The following CCDC196 variants were observed in gnomAD, a reference collection of about 807,000 sequenced individuals.
CCDC196 encodes coiled-coil domain containing 196.
rs1294706558 is a variant in CCDC196, at chr14:66,490,815, G to C, written c.425G>C (p.Gly142Ala). Residue 142 changes from glycine to alanine, a missense_variant, in exon 5 of 10, where the codon GGA (glycine) becomes GCA (alanine). Transcript: ENST00000636229. ...AAAAACAAGGCAGACTTGCAGGATG[G>C]AAAGGCAAGTGGACTGCATGTACTT... is the stretch of plus-strand genomic sequence containing the variant. ...QTKNKADLQD[G>A]KAPKSPSSPR... is the part of the protein sequence containing the mutation. 1 of 399,928 alleles carries C rather than the reference G, an allele frequency of 2.5e-6. No individual in the cohort carries two copies. Among genetic ancestry groups the C allele is most frequent in the Non-Finnish European group, 4.4e-6 (1 of 226,158 alleles). 24.8% of individuals were successfully genotyped at this position (399,928 alleles called of 1,614,324 possible). A position where few individuals can be genotyped will look rare whatever the true frequency, so the allele number is the denominator to read the frequency against.
In CCDC196 at chr14:66,488,954, C is replaced by A. The variant is rs145339977; in HGVS notation, c.301-33C>A. The stretch of plus-strand genomic sequence containing the variant: ...ACTTCAATGGCTGGACAAATACATG[C>A]TTCTGTTTGTTTGGTTCTTCCCCCT... On this transcript the variant is annotated intron_variant, in intron 3 of 9. Coordinates refer to ENST00000636229, the MANE Select transcript of CCDC196 (RefSeq NM_001351576.1). 2.2e-5 allele frequency: 9 copies of A among 413,174 alleles called. No individual in the cohort carries two copies. The South Asian group carries it at 5.1e-4, about 23-fold the overall frequency. 25.6% of individuals were successfully genotyped at this position (413,174 alleles called of 1,614,324 possible).
intron 2 of CCDC196, among the ~76,000 whole-genome samples, chr14:66,487,539 G>T (rs1225094370): frequency 6.6e-6 from 1 of 152,188 alleles, no homozygotes; most frequent in Non-Finnish European, 1.5e-5. Context: ...TCTTCGCTTA[G>T]AACTGGGGAG....
At chr14:66,487,511 A>G (rs1033999718) in intron 2 of CCDC196, among the ~76,000 whole-genome samples, 2 of 152,222 alleles carry the variant, frequency 1.3e-5, no homozygotes, top group African/African-American at 4.8e-5. Context: ...AAGAAAACAC[A>G]AAGTCTTAGA....
chr14:66,498,065 T>TC (rs376085965), intron 8 of CCDC196, 44 bp from the exon 9 acceptor site: 14 of 393,592 alleles, frequency 3.6e-5, no homozygotes, highest in Non-Finnish European at 5.6e-5. Context: ...TTTTTTTTTT[T>TC]CCCCCTCAAA....
At chr14:66,495,685 T>C (rs890398520) in intron 8 of CCDC196, 2 of 152,526 alleles carry the variant, frequency 1.3e-5, no homozygotes, top group Admixed American at 1.3e-4. Context: ...ACCAACCACA[T>C]CCAGGCTTCA....
At chr14:66,490,982 AG>A (rs1277229877) in intron 5 of CCDC196, 38 bp from the exon 6 acceptor site, 3 of 413,330 alleles carry the variant, frequency 7.3e-6, no homozygotes, top group Admixed American at 8.8e-5. Context: ...CTTCTTTCCT[AG>A]GACCTCTTAT....
intron 6 of CCDC196, 68 bp downstream of exon 6, chr14:66,491,172 T>C (rs1228652481): frequency 2.4e-6 from 1 of 409,850 alleles, no homozygotes; most frequent in East Asian, 3.6e-5. Context: ...AATGTTGTAG[T>C]AATTTGCCTA....
chr14:66,492,633 C>A (rs2057569697), intron 8 of CCDC196, among the ~76,000 whole-genome samples: 1 of 152,142 alleles, frequency 6.6e-6, no homozygotes, highest in Admixed American at 6.5e-5. Context: ...AGCCACCACG[C>A]CCGGCCTATC....
rs2057398967 is a variant in CCDC196 at position 66,486,408 on chromosome 14, A to C, written c.-95A>C. The C allele has an allele frequency of 2.5e-6, 1 of 398,034 alleles. No individual in the cohort carries two copies. Among genetic ancestry groups the C allele is most frequent in the Admixed American group, 4.4e-5 (1 of 22,690 alleles). 24.7% of individuals were successfully genotyped at this position (398,034 alleles called of 1,614,324 possible). ...ATCAGTCCACTGCAGCAGGAGTTTC[A>C]AGAACAGCAGCACAAAAATAATGAC... On this transcript the variant is annotated 5_prime_UTR_variant, in exon 1 of 10. Transcript: ENST00000636229.
chr14:66,492,534 G>A (rs1361620606), intron 8 of CCDC196, among the ~76,000 whole-genome samples: 1 of 151,874 alleles, frequency 6.6e-6, no homozygotes, highest in African/African-American at 2.4e-5. Flanking sequence ...TAGAGACGGG[G>A]TTTCACCATG....
At chr14:66,495,536 C>A (rs920490635) in intron 8 of CCDC196, 1 of 152,192 alleles carries the variant, frequency 6.6e-6, no homozygotes. Context: ...TTTCATGCCT[C>A]TTCTAGATCT....
At chr14:66,492,308 T>C (rs1406072777) in intron 8 of CCDC196, 114 bp downstream of exon 8, 2 of 403,296 alleles carry the variant, frequency 5.0e-6, no homozygotes, top group African/African-American at 4.1e-5. Flanking sequence ...AAGTTAAATG[T>C]TAGTAGTACA....
chr14:66,488,062 T>A (rs1160104377), intron 2 of CCDC196, 98 bp from the exon 3 acceptor site: 6 of 405,660 alleles, frequency 1.5e-5, no homozygotes, highest in Non-Finnish European at 2.7e-5. Context: ...TCAGTCGCCA[T>A]CTAACTTTCA....
At chr14:66,494,162 G>A (rs2057608268) in intron 8 of CCDC196, among the ~76,000 whole-genome samples, 1 of 152,102 alleles carries the variant, frequency 6.6e-6, no homozygotes, top group African/African-American at 2.4e-5. Flanking sequence ...ATACGGCTTA[G>A]TTACCACAAA....
rs1442726628 is a variant in CCDC196 at position 66,498,518 on chromosome 14, C to T, written c.*46C>T. The T allele has an allele frequency of 7.3e-6, 3 of 412,136 alleles. No individual in the cohort carries two copies. The highest frequency in any genetic ancestry group is 1.3e-5 in the Non-Finnish European group (3 of 225,212). 25.5% of individuals were successfully genotyped at this position (412,136 alleles called of 1,614,324 possible). On this transcript the variant is annotated 3_prime_UTR_variant, in exon 10 of 10. Transcript: ENST00000636229. ...TTTGGACAGATTTAAAGACTAGGCACAGCCATTTGTGTTAATTAAAATCTC... is the reference window on the plus strand; with the variant it reads ...TTTGGACAGATTTAAAGACTAGGCATAGCCATTTGTGTTAATTAAAATCTC...
chr14:66,487,026 G>T (rs145910826), intron 2 of CCDC196, among the ~76,000 whole-genome samples: 2 of 151,672 alleles, frequency 1.3e-5, no homozygotes, highest in Admixed American at 6.6e-5. Context: ...CCCTCATTTC[G>T]TGGGGCTAGT....
Position 66,487,747 on chromosome 14 carries a change from G to C in CCDC196, c.204-413G>C, listed in dbSNP as rs568474291. Among the ~76,000 whole-genome samples the C allele has an allele frequency of 3.3e-5, 5 of 152,206 alleles. No individual in the cohort carries two copies. In the South Asian group the frequency reaches 1.0e-3, roughly 32 times the overall value. ...AAGAAGCAAGGAAGTGGGAGAAAGT[G>C]GACAGAGGACAGAGATGGGTTAGGA... is the stretch of plus-strand genomic sequence containing the variant. On this transcript the variant is annotated intron_variant, in intron 2 of 9. Coordinates refer to ENST00000636229, the MANE Select transcript of CCDC196 (RefSeq NM_001351576.1).
intron 8 of CCDC196, among the ~76,000 whole-genome samples, chr14:66,495,142 A>G (rs2057632691): frequency 6.6e-6 from 1 of 152,040 alleles, no homozygotes; most frequent in African/African-American, 2.4e-5. Flanking sequence ...TCTCACTGTG[A>G]TTTATAGTAT....
intron 8 of CCDC196, chr14:66,492,802 CCT>C (rs1305840936): frequency 6.6e-6 from 1 of 152,588 alleles, no homozygotes; most frequent in Non-Finnish European, 1.5e-5. Context: ...CACCTCATCC[CCT>C]TTTCTAGGAA....
Sources: gnomAD v4.1 joint callset for allele counts (sites outside exome capture counted in the v4.1 genomes callset) on GRCh38, gnomAD v4.1.1 for gene constraint, MANE v1.5 for transcripts, NCBI Gene and HGNC (gene_info 2026-07-23, HGNC 2026-07-21) for gene names.